The following RAPGEF6 variants were observed in gnomAD, a reference collection of about 807,000 sequenced individuals.
The protein encoded by RAPGEF6 is PDZ domain containing guanine nucleotide exchange factor (GEF) 2.
Under a neutral mutation model 171.4 loss-of-function variants are expected in RAPGEF6, and 56 were observed. That is an observed-to-expected ratio of 0.33 (90% CI 0.26 to 0.41). The LOEUF is 0.41. RAPGEF6 is among the 10% of genes least tolerant of loss of function. RAPGEF6 has a pLI of 1.00. For missense variants in RAPGEF6, 1,674 were observed against 1,921.4 expected (o/e 0.87, Z 2.41); for synonymous variants, 692 against 650.1 (o/e 1.06, Z -0.98).
chr5:131,519,820 T>C (rs529169004), intron 7 of RAPGEF6, among the ~76,000 whole-genome samples: 1 of 152,328 alleles, frequency 6.6e-6, no homozygotes, highest in East Asian at 1.9e-4. Context: ...CAGTCTACTT[T>C]GATTTTTAGG....
intron 7 of RAPGEF6, chr5:131,511,259 A>G (rs996822411): frequency 1.9e-4 from 29 of 152,240 alleles, no homozygotes; most frequent in African/African-American, 7.0e-4. Context: ...TACTAAGTAG[A>G]TTCTTAAAAA....
chr5:131,561,867 AT>A, intron 5 of RAPGEF6, 110 bp downstream of exon 5: 2 of 792,158 alleles, frequency 2.5e-6, no homozygotes, highest in Non-Finnish European at 4.2e-6. Context: ...ACTTGATGAA[AT>A]CTCTAAAAGG....
At chr5:131,513,225 C>A (rs1022259695) in intron 7 of RAPGEF6, among the ~76,000 whole-genome samples, 2 of 152,064 alleles carry the variant, frequency 1.3e-5, no homozygotes. Context: ...TTTCCAAAAA[C>A]CTTATTTATA....
At chr5:131,464,411 G>A in intron 17 of RAPGEF6, 130 bp from the exon 18 acceptor site, 1 of 689,096 alleles carries the variant, frequency 1.5e-6, no homozygotes, top group Non-Finnish European at 2.5e-6. Context: ...AATATTAACA[G>A]AAGTCACTGT....
intron 23 of RAPGEF6, among the ~76,000 whole-genome samples, chr5:131,441,293 A>C (rs1752367930): frequency 6.6e-6 from 1 of 152,220 alleles, no homozygotes; most frequent in African/African-American, 2.4e-5. Context: ...AAATTAGTAA[A>C]GCACAATTTG....
intron 1 of RAPGEF6, among the ~76,000 whole-genome samples, chr5:131,630,247 C>A (rs1399394756): frequency 1.3e-5 from 2 of 152,202 alleles, no homozygotes; most frequent in Non-Finnish European, 2.9e-5. Flanking sequence ...TGACAACTAG[C>A]TGAAGGCTCA....
At chr5:131,438,232 C>T (rs547119593) in intron 24 of RAPGEF6, among the ~76,000 whole-genome samples, 38 of 152,272 alleles carry the variant, frequency 2.5e-4, no homozygotes, top group African/African-American at 6.7e-4. Context: ...TCAGGCGATC[C>T]GCCTGCTTTG....
At chr5:131,496,114 G>C (rs1756620608) in intron 12 of RAPGEF6, among the ~76,000 whole-genome samples, 1 of 152,134 alleles carries the variant, frequency 6.6e-6, no homozygotes, top group Non-Finnish European at 1.5e-5. Context: ...GCTGAAGCAA[G>C]GAGGATCCCT....
chr5:131,604,859 G>T (rs1407639839), intron 1 of RAPGEF6, among the ~76,000 whole-genome samples, 166 bp from the exon 2 acceptor site: 1 of 152,178 alleles, frequency 6.6e-6, no homozygotes, highest in Admixed American at 6.5e-5. Flanking sequence ...AGGCAGAGAA[G>T]AGATCCCTCA....
At chr5:131,464,018 C>T in intron 18 of RAPGEF6, 23 bp downstream of exon 18, 2 of 1,543,024 alleles carry the variant, frequency 1.3e-6, no homozygotes, top group South Asian at 2.5e-5. Context: ...CAAATAAGCA[C>T]ATCCACTAAT....
intron 12 of RAPGEF6, 127 bp downstream of exon 12, chr5:131,498,316 A>C (rs1467368692): frequency 2.4e-6 from 2 of 829,610 alleles, no homozygotes; most frequent in African/African-American, 3.4e-5. Context: ...CTGATGGTTC[A>C]GGTTCATTAA....
intron 11 of RAPGEF6, 152 bp downstream of exon 11, chr5:131,504,474 A>G (rs1757221686): frequency 1.1e-6 from 1 of 870,282 alleles, no homozygotes. Context: ...AAAAAAAAAA[A>G]ATTTTAGAGA....
Position 131,429,272 on chromosome 5 carries a change from GA to G in RAPGEF6, c.4466-57del, listed in dbSNP as rs899798765. 91 of 1,355,530 alleles carry G rather than the reference GA, an allele frequency of 6.7e-5. No homozygotes were observed. The African/African-American group carries it at 1.1e-3, about 17-fold the overall frequency. 84.0% of individuals were successfully genotyped at this position (1,355,530 alleles called of 1,614,324 possible). A position where few individuals can be genotyped will look rare whatever the true frequency, so the allele number is the denominator to read the frequency against. On this transcript the variant is annotated intron_variant, in intron 26 of 27. Coordinates refer to ENST00000509018, the MANE Select transcript of RAPGEF6 (RefSeq NM_016340.6). ...AATGAAAAAGAAATGGAAAAAAAAA[GA>G]AACCACCCCACAAACTTATTACAAT...
rs1761786333 is a variant in RAPGEF6, at chr5:131,564,239, G to A, written c.282-2192C>T. Among the ~76,000 whole-genome samples the A allele has an allele frequency of 2.0e-5, 3 of 152,216 alleles. No individual in the cohort carries two copies. The South Asian group carries it at 6.2e-4, about 32-fold the overall frequency. On this transcript the variant is annotated intron_variant, in intron 4 of 27. Coordinates refer to ENST00000509018, the MANE Select transcript of RAPGEF6 (RefSeq NM_016340.6). ...GGAGAGCAGCAAAGAGATACGGGGAGAGAGAGAACAACATTGTGCACAAGA... is the reference window on the plus strand; with the variant it reads ...GGAGAGCAGCAAAGAGATACGGGGAAAGAGAGAACAACATTGTGCACAAGA...
At chr5:131,529,901 C>CTTT (rs1162181624) in intron 6 of RAPGEF6, among the ~76,000 whole-genome samples, 68 of 119,788 alleles carry the variant, frequency 5.7e-4, no homozygotes, top group Non-Finnish European at 6.9e-4. Context: ...TTGTCTCCCT[C>CTTT]TTTTTTTTTT....
chr5:131,539,534 G>T (rs1227693342), intron 6 of RAPGEF6, among the ~76,000 whole-genome samples: 1 of 152,120 alleles, frequency 6.6e-6, no homozygotes, highest in African/African-American at 2.4e-5. Flanking sequence ...TGGGGGCATG[G>T]ACCTATTTCT....
chr5:131,450,115 T>G, intron 21 of RAPGEF6: 1 of 1,435,490 alleles, frequency 7.0e-7, no homozygotes, highest in Non-Finnish European at 9.5e-7. Flanking sequence ...AGACAACAGT[T>G]GAGAGTCAGA....
intron 23 of RAPGEF6, 102 bp from the exon 24 acceptor site, chr5:131,439,817 A>G: frequency 6.7e-7 from 1 of 1,484,232 alleles, no homozygotes; most frequent in Non-Finnish European, 8.9e-7. Context: ...CACAATGGCT[A>G]GTGTAGTCAA....
intron 6 of RAPGEF6, among the ~76,000 whole-genome samples, chr5:131,535,393 G>A (rs1323102314): frequency 6.6e-6 from 1 of 152,098 alleles, no homozygotes; most frequent in Non-Finnish European, 1.5e-5. Flanking sequence ...AAATGACTAG[G>A]TGAATAACCT....
Sources: allele counts gnomAD v4.1 joint callset (sites outside exome capture counted in the v4.1 genomes callset), GRCh38; gene constraint gnomAD v4.1.1; transcripts MANE v1.5; gene names NCBI Gene and HGNC (gene_info 2026-07-23, HGNC 2026-07-21).